R3HCC1L: variants seen among roughly 807,000 people sequenced by gnomAD.
R3HCC1L encodes the protein R3H domain and coiled-coil containing 1 like, also known as coiled-coil domain-containing protein R3HCC1L.
Under a neutral mutation model 59.9 loss-of-function variants are expected in R3HCC1L, and 51 were observed. That is an observed-to-expected ratio of 0.85 (90% CI 0.68 to 1.07). The LOEUF (loss-of-function observed/expected upper bound fraction) is 1.07. Ranked by LOEUF, R3HCC1L falls within the 50% of genes least tolerant of loss-of-function variation. The pLI, the probability that R3HCC1L is intolerant of heterozygous loss-of-function variation, is 0.00. For synonymous variants in R3HCC1L, 322 were observed against 315.2 expected, an observed-to-expected ratio of 1.02 and a Z score of -0.23; for missense variants, 965 against 933.0, an observed-to-expected ratio of 1.03 and a Z score of -0.45.
At chr10:98,135,147 C>T (rs1428386258) in intron 1 of R3HCC1L, among the ~76,000 whole-genome samples, 1 of 152,212 alleles carries the variant, frequency 6.6e-6, no homozygotes, top group East Asian at 1.9e-4. Flanking sequence ...GCCCGGGAGC[C>T]CCGGGCTACG....
chr10:98,184,006 AG>A (rs1356247518), intron 4 of R3HCC1L, among the ~76,000 whole-genome samples: 8 of 139,466 alleles, frequency 5.7e-5, no homozygotes, highest in Admixed American at 5.3e-4. Flanking sequence ...GTAGAGAGCC[AG>A]TTAAATGGTA....
At chr10:98,183,958 G>GTTTTT (rs71007380) in intron 4 of R3HCC1L, among the ~76,000 whole-genome samples, 1,293 of 126,500 alleles carry the variant, frequency 0.01, 43 homozygotes, top group African/African-American at 0.037. Flanking sequence ...TCCTTTTTCG[G>GTTTTT]TTTTTTTTTT....
At chr10:98,237,659 C>T (rs928265631) in intron 9 of R3HCC1L, among the ~76,000 whole-genome samples, 1 of 152,214 alleles carries the variant, frequency 6.6e-6, no homozygotes, top group African/African-American at 2.4e-5. Flanking sequence ...TGAATAGAGA[C>T]CCACTGTGAT....
intron 4 of R3HCC1L, among the ~76,000 whole-genome samples, chr10:98,192,505 G>A (rs2134883302): frequency 6.6e-6 from 1 of 152,250 alleles, no homozygotes; most frequent in East Asian, 1.9e-4. Flanking sequence ...ATCATTAAGT[G>A]ACTATTATAA....
At position 98,216,213 on chromosome 10, in the gene R3HCC1L, T is replaced by G. The variant is rs1290835394; in HGVS notation, c.1785+6314T>G. Among the ~76,000 whole-genome samples the G allele has an allele frequency of 3.3e-5, 5 of 152,142 alleles. No individual in the cohort carries two copies. The East Asian group carries it at 9.6e-4, about 29-fold the overall frequency. On this transcript the variant is annotated intron_variant, in intron 5 of 9. Transcript: ENST00000298999. ...ATTTTAGAGTGCCATTTAGAATCAT[T>G]TAAAAAATATATGTTCTTACCTGAG...
At chr10:98,219,955 C>G (rs1208904537) in intron 5 of R3HCC1L, among the ~76,000 whole-genome samples, 1 of 151,780 alleles carries the variant, frequency 6.6e-6, no homozygotes, top group African/African-American at 2.4e-5. Context: ...TCAGCTGTTA[C>G]TTCATTAAAT....
At chr10:98,239,761 G>A (rs1034940611) in intron 9 of R3HCC1L, among the ~76,000 whole-genome samples, 1 of 152,056 alleles carries the variant, frequency 6.6e-6, no homozygotes, top group Admixed American at 6.6e-5. Flanking sequence ...GCAGTGGCAC[G>A]ATCACAGCTC....
chr10:98,163,161 C>G, intron 3 of R3HCC1L, 132 bp from the exon 4 acceptor site: 1 of 336,728 alleles, frequency 3.0e-6, no homozygotes, highest in Non-Finnish European at 5.4e-6. Flanking sequence ...CTTCATTGCA[C>G]ATTCTATGGC....
chr10:98,169,853 T>C (rs1014437479), intron 4 of R3HCC1L, among the ~76,000 whole-genome samples: 1 of 152,032 alleles, frequency 6.6e-6, no homozygotes, highest in African/African-American at 2.4e-5. Context: ...GCTCGAAGAA[T>C]TGTCATTCCT....
intron 4 of R3HCC1L, among the ~76,000 whole-genome samples, chr10:98,195,983 A>G (rs1851387829): frequency 6.6e-6 from 1 of 152,210 alleles, no homozygotes; most frequent in South Asian, 2.1e-4. Context: ...TGCTAAGTCA[A>G]GAATAGCTTT....
intron 4 of R3HCC1L, among the ~76,000 whole-genome samples, chr10:98,175,296 A>G (rs1164187234): frequency 1.3e-5 from 2 of 152,210 alleles, no homozygotes; most frequent in African/African-American, 4.8e-5. Flanking sequence ...GGAATTTTAA[A>G]GAGATGTCAT....
intron 4 of R3HCC1L, among the ~76,000 whole-genome samples, chr10:98,198,540 C>T (rs112525413): frequency 0.014 from 1,800 of 126,196 alleles, 19 homozygotes; most frequent in South Asian, 0.025. Flanking sequence ...AAAAAGCCTT[C>T]GTTTTCAGGA....
chr10:98,185,499 A>G (rs1293702649), intron 4 of R3HCC1L, among the ~76,000 whole-genome samples: 4 of 152,210 alleles, frequency 2.6e-5, no homozygotes, highest in Admixed American at 2.0e-4. Context: ...TTATGTAGGA[A>G]TTAGGTTAAA....
chr10:98,176,627 CAGA>C (rs1849048908), intron 4 of R3HCC1L, among the ~76,000 whole-genome samples: 1 of 152,092 alleles, frequency 6.6e-6, no homozygotes, highest in African/African-American at 2.4e-5. Context: ...GATTTCTATG[CAGA>C]AGATTATGTC....
chr10:98,150,355 G>T (rs1438471546), intron 1 of R3HCC1L, among the ~76,000 whole-genome samples: 1 of 152,106 alleles, frequency 6.6e-6, no homozygotes, highest in Admixed American at 6.5e-5. Flanking sequence ...GTTTCTTGTG[G>T]ATGTGCATCT....
At chr10:98,136,145 G>T (rs1358979702) in intron 1 of R3HCC1L, among the ~76,000 whole-genome samples, 1 of 151,702 alleles carries the variant, frequency 6.6e-6, no homozygotes, top group Non-Finnish European at 1.5e-5. Flanking sequence ...TTGACACTGT[G>T]CCCACTGTGC....
rs115853578 is a variant in R3HCC1L at position 98,200,753 on chromosome 10, C to A, written c.-14-7348C>A. Among the ~76,000 whole-genome samples the A allele has an allele frequency of 6.7e-3, 1,018 of 152,134 alleles. 17 individuals are homozygous for A. Among genetic ancestry groups the A allele is most frequent in the African/African-American group, 0.023 (939 of 41,514 alleles). On this transcript the variant is annotated intron_variant, in intron 4 of 9. Coordinates refer to ENST00000298999, the MANE Select transcript of R3HCC1L (RefSeq NM_001351015.2). Reference sequence around the variant, plus strand: ...AACTTACTGTGAATAACTTTTATATCAAATTTGAAAAGCTAGGTCAAAGGC... The same window carrying A: ...AACTTACTGTGAATAACTTTTATATAAAATTTGAAAAGCTAGGTCAAAGGC...
intron 4 of R3HCC1L, among the ~76,000 whole-genome samples, chr10:98,206,937 T>C (rs1369246621): frequency 6.6e-6 from 1 of 152,220 alleles, no homozygotes; most frequent in African/African-American, 2.4e-5. Context: ...AGATAATCAC[T>C]GGAGATACTT....
intron 2 of R3HCC1L, among the ~76,000 whole-genome samples, chr10:98,160,972 T>G (rs1847362128): frequency 1.3e-5 from 2 of 152,220 alleles, no homozygotes. Context: ...TATTTTGAAT[T>G]TACAAAAAGT....
Sources: gnomAD v4.1 joint callset for allele counts (sites outside exome capture counted in the v4.1 genomes callset) on GRCh38, gnomAD v4.1.1 for gene constraint, MANE v1.5 for transcripts, NCBI Gene and HGNC (gene_info 2026-07-23, HGNC 2026-07-21) for gene names.